CCSER1: variants seen among roughly 807,000 people sequenced by gnomAD.
The protein encoded by CCSER1 is serine-rich coiled-coil domain-containing protein 1.
A neutral mutation model predicts 82.0 loss-of-function variants in CCSER1; 41 were observed. That is an observed-to-expected ratio of 0.50 (90% CI 0.39 to 0.65). The LOEUF is 0.65. Ranked by LOEUF, CCSER1 falls within the 30% of genes least tolerant of loss-of-function variation. CCSER1 has a pLI of 0.00. For missense variants in CCSER1, 1,119 were observed against 1,064.2 expected, an observed-to-expected ratio of 1.05 and a Z score of -0.72; for synonymous variants, 414 against 383.9, an observed-to-expected ratio of 1.08 and a Z score of -0.92.
chr4:90,547,589 A>G (rs1025783718), intron 5 of CCSER1, among the ~76,000 whole-genome samples: 3 of 152,102 alleles, frequency 2.0e-5, no homozygotes, highest in African/African-American at 7.2e-5. Context: ...AACATACTCT[A>G]TGTCTTATCC....
chr4:90,932,918 G>T (rs1427347486), intron 9 of CCSER1, among the ~76,000 whole-genome samples: 1 of 18,590 alleles, frequency 5.4e-5, no homozygotes, highest in East Asian at 1.0e-3. Context: ...GAGAAAGAAA[G>T]AAAGAAAGAA....
At chr4:91,002,421 A>T (rs943467842) in intron 9 of CCSER1, among the ~76,000 whole-genome samples, 1 of 152,164 alleles carries the variant, frequency 6.6e-6, no homozygotes, top group African/African-American at 2.4e-5. Flanking sequence ...ACGTAGTCCC[A>T]AACTTCTTGG....
intron 3 of CCSER1, among the ~76,000 whole-genome samples, chr4:90,319,503 T>G (rs1387985146): frequency 6.6e-6 from 1 of 151,938 alleles, no homozygotes; most frequent in Non-Finnish European, 1.5e-5. Context: ...TACAAAAAAT[T>G]AGCCAGGCGT....
At chr4:91,117,122 C>A (rs577699498) in intron 10 of CCSER1, among the ~76,000 whole-genome samples, 15 of 152,230 alleles carry the variant, frequency 9.9e-5, no homozygotes, top group Admixed American at 7.9e-4. Context: ...AAACAATCAG[C>A]CTTTAATGTT....
chr4:90,419,561 G>A (rs1756371924), intron 4 of CCSER1, among the ~76,000 whole-genome samples: 1 of 151,800 alleles, frequency 6.6e-6, no homozygotes, highest in African/African-American at 2.4e-5. Flanking sequence ...CTAATTTTAT[G>A]TACAGTTCTA....
At position 90,274,080 on chromosome 4, in the gene CCSER1, A is replaced by C. The variant is rs78190691; in HGVS notation, c.-41-34164A>C. On this transcript the variant is annotated intron_variant, in intron 1 of 10. Coordinates refer to ENST00000509176, the MANE Select transcript of CCSER1 (RefSeq NM_001145065.2). ...AAACATCTGTAGGTGCATACTACTC[A>C]TGTATGTTTGTGAGACATGAATTCA... Among the ~76,000 whole-genome samples the C allele has an allele frequency of 9.9e-4, 151 of 152,326 alleles. 3 individuals carry two copies. The East Asian group carries it at 0.027, about 27-fold the overall frequency.
chr4:90,435,800 G>C (rs1253249098), intron 4 of CCSER1, among the ~76,000 whole-genome samples: 1 of 151,938 alleles, frequency 6.6e-6, no homozygotes, highest in East Asian at 1.9e-4. Flanking sequence ...GTTTATTCCA[G>C]GGCAGCAGAT....
intron 6 of CCSER1, among the ~76,000 whole-genome samples, chr4:90,716,859 C>G (rs1009779685): frequency 2.6e-5 from 4 of 152,096 alleles, no homozygotes; most frequent in Admixed American, 2.0e-4. Context: ...AGACATAATG[C>G]TTACATATTA....
intron 5 of CCSER1, among the ~76,000 whole-genome samples, chr4:90,618,693 T>C (rs1721753557): frequency 6.6e-6 from 1 of 151,890 alleles, no homozygotes; most frequent in Non-Finnish European, 1.5e-5. Context: ...GGGAAGAAGG[T>C]AGGTAACAAG....
chr4:91,453,283 A>G (rs1755968540), intron 10 of CCSER1, among the ~76,000 whole-genome samples: 1 of 152,044 alleles, frequency 6.6e-6, no homozygotes, highest in Non-Finnish European at 1.5e-5. Context: ...AAACAAGTCA[A>G]TCAAACTTAT....
At chr4:90,836,306 A>G (rs1266754431) in intron 8 of CCSER1, among the ~76,000 whole-genome samples, 1 of 152,148 alleles carries the variant, frequency 6.6e-6, no homozygotes, top group Admixed American at 6.5e-5. Flanking sequence ...TGTATTAGTC[A>G]AATGTCACAA....
At chr4:90,586,217 A>G (rs926464462) in intron 5 of CCSER1, among the ~76,000 whole-genome samples, 2 of 152,130 alleles carry the variant, frequency 1.3e-5, no homozygotes, top group African/African-American at 4.8e-5. Flanking sequence ...CGAGGGACCT[A>G]GGTTGCGTGC....
At chr4:91,403,216 G>C (rs924563922) in intron 10 of CCSER1, among the ~76,000 whole-genome samples, 2 of 152,146 alleles carry the variant, frequency 1.3e-5, no homozygotes, top group African/African-American at 4.8e-5. Context: ...TGGTGTATAG[G>C]AATGCTTGTG....
chr4:91,586,638 C>A (rs1450068509), intron 10 of CCSER1, among the ~76,000 whole-genome samples: 1 of 151,642 alleles, frequency 6.6e-6, no homozygotes, highest in Non-Finnish European at 1.5e-5. Context: ...GAGCAAAAGC[C>A]AAATTGCAGT....
chr4:91,074,156 A>G (rs1721718045), intron 9 of CCSER1, among the ~76,000 whole-genome samples: 1 of 152,212 alleles, frequency 6.6e-6, no homozygotes, highest in Admixed American at 6.5e-5. Flanking sequence ...AGATCAGTTC[A>G]AAAACAAAAC....
intron 10 of CCSER1, among the ~76,000 whole-genome samples, chr4:91,369,968 C>G: frequency 6.6e-6 from 1 of 152,048 alleles, no homozygotes; most frequent in Non-Finnish European, 1.5e-5. Flanking sequence ...GCATGAGCCA[C>G]TGTGCCCAGC....
At chr4:91,401,411 T>TA (rs1752315363) in intron 10 of CCSER1, among the ~76,000 whole-genome samples, 1 of 149,310 alleles carries the variant, frequency 6.7e-6, no homozygotes, top group Non-Finnish European at 1.5e-5. Context: ...ATACTTTTTT[T>TA]ATTATACTTT....
intron 5 of CCSER1, among the ~76,000 whole-genome samples, chr4:90,579,025 C>A (rs61582428): frequency 0.45 from 67,564 of 150,778 alleles, 18,431 homozygotes; most frequent in African/African-American, 0.77. Context: ...TTAAAAAAAG[C>A]TTGACTTTTT....
intron 10 of CCSER1, among the ~76,000 whole-genome samples, chr4:91,391,721 A>G (rs905203813): frequency 9.2e-5 from 14 of 152,102 alleles, no homozygotes; most frequent in African/African-American, 3.1e-4. Context: ...TGTGTAATAT[A>G]TATTCTTTTA....
Sources: gnomAD v4.1 joint callset for allele counts (sites outside exome capture counted in the v4.1 genomes callset) on GRCh38, gnomAD v4.1.1 for gene constraint, MANE v1.5 for transcripts, NCBI Gene and HGNC (gene_info 2026-07-23, HGNC 2026-07-21) for gene names.